CFHR3: variants seen among roughly 807,000 people sequenced by gnomAD.
CFHR3 encodes the protein complement factor H related 3, also known as complement factor H-related protein 3.
CFHR3 carries 22 observed loss-of-function variants against 36.0 expected under a neutral mutation model. That is an observed-to-expected ratio of 0.61 (90% confidence interval 0.44 to 0.87). The LOEUF (loss-of-function observed/expected upper bound fraction) is 0.87, where lower values mean the gene tolerates loss of function less well. CFHR3 is among the 40% of genes least tolerant of loss of function. The pLI is 0.00. For missense variants in CFHR3, 276 were observed against 401.3 expected (o/e 0.69, Z 2.67); for synonymous variants, 97 against 137.4 (o/e 0.71, Z 2.06).
chr1:196,779,059 C>A, intron 1 of CFHR3, 103 bp from the exon 2 acceptor site: 1 of 946,832 alleles, frequency 1.1e-6, no homozygotes, highest in Non-Finnish European at 1.6e-6. Flanking sequence ...TGCTGTAATT[C>A]CACAAGAAAA....
Position 196,787,169 on chromosome 1 carries a change from G to A in CFHR3, c.431-1047G>A, listed in dbSNP as rs144390336. On this transcript the variant is annotated intron_variant, in intron 3 of 5. Coordinates refer to ENST00000367425, the MANE Select transcript of CFHR3 (RefSeq NM_021023.6). ...GGAATCTTCCTACACCATTATAGGAGCAACTGTCCTCAACAATAGCCTAAG... is the reference window on the plus strand; with the variant it reads ...GGAATCTTCCTACACCATTATAGGAACAACTGTCCTCAACAATAGCCTAAG... Among the ~76,000 whole-genome samples the A allele has an allele frequency of 5.3e-3, 725 of 137,210 alleles. 186 individuals carry two copies. Among genetic ancestry groups the A allele is most frequent in the African/African-American group, 0.021 (678 of 32,936 alleles). The allele number at this position is 137,210 out of a possible 152,430, so 90.0% of individuals were successfully genotyped here.
rs779870916 is a variant in CFHR3 at position 196,788,794 on chromosome 1, G to T, written c.613+396G>T. ...ACGCTCAGAAAAGTTGTACATGTCG[G>T]GGGAGAAATGAGTGCTTAATTCTGA... is the stretch of plus-strand genomic sequence containing the variant. On this transcript the variant is annotated intron_variant, in intron 4 of 5. Coordinates refer to ENST00000367425, the MANE Select transcript of CFHR3 (RefSeq NM_021023.6). 1.9e-5 allele frequency: 28 copies of T among 1,457,062 alleles called. 5 individuals are homozygous for T. The South Asian group carries it at 3.0e-4, about 15-fold the overall frequency. 90.3% of individuals were successfully genotyped at this position (1,457,062 alleles called of 1,614,324 possible).
At chr1:196,790,649 G>T (rs1170334651) in intron 5 of CFHR3, among the ~76,000 whole-genome samples, 1 of 134,842 alleles carries the variant, frequency 7.4e-6, no homozygotes, top group South Asian at 2.6e-4. Flanking sequence ...ATTTGAACCC[G>T]GGAGGCAGAG....
At position 196,793,100 on chromosome 1, in the gene CFHR3, C is replaced by G. The variant is rs1654475276; in HGVS notation, c.797-217C>G. ...AAAGACTGCCAGGGTTCACGTTTAT[C>G]ACCTCACCTGATGATCTCTGCTGTG... On this transcript the variant is annotated intron_variant, in intron 5 of 5. Coordinates refer to ENST00000367425, the MANE Select transcript of CFHR3 (RefSeq NM_021023.6). 1.5e-5 allele frequency among the ~76,000 whole-genome samples: 2 copies of G among 135,066 alleles called. 1 individual carries two copies. The highest frequency in any genetic ancestry group is 3.1e-5 in the Non-Finnish European group (2 of 64,192). 88.6% of individuals were successfully genotyped at this position (135,066 alleles called of 152,430 possible).
In CFHR3 at chr1:196,788,380, G is replaced by C; in HGVS notation, c.595G>C (p.Ala199Pro). 2 of 1,529,548 alleles carry C rather than the reference G, an allele frequency of 1.3e-6. No individual in the cohort carries two copies. Among genetic ancestry groups the C allele is most frequent in the African/African-American group, 1.7e-5 (1 of 60,568 alleles). The allele number at this position is 1,529,548 out of a possible 1,614,324, so 94.7% of individuals were successfully genotyped here. A position where few individuals can be genotyped will look rare whatever the true frequency, so the allele number is the denominator to read the frequency against. The change falls in exon 4 of 6, where the codon GCA (alanine) becomes CCA (proline). Residue 199 changes from alanine (A) to proline (P), a missense_variant. Around this residue, in one of 3 missense-constraint regions of CFHR3, gnomAD observed 178 missense variants for 247.2 expected, o/e 0.72. Coordinates refer to ENST00000367425, the MANE Select transcript of CFHR3 (RefSeq NM_021023.6). Reference sequence around the variant, plus strand: ...TACATGTTTGCAAAATGGATGGTCAGCACAACCAATTTGCATTAGTAAGTG... The same window carrying C: ...TACATGTTTGCAAAATGGATGGTCACCACAACCAATTTGCATTAGTAAGTG... ...SITCLQNGWS[A>P]QPICINSSEK... is the part of the protein sequence containing the mutation.
At chr1:196,783,510 C>T (rs1318387484) in intron 3 of CFHR3, among the ~76,000 whole-genome samples, 1 of 130,968 alleles carries the variant, frequency 7.6e-6, no homozygotes, top group African/African-American at 3.4e-5. Flanking sequence ...AGAGATTCAA[C>T]TTCTTCCTGG....
Position 196,779,261 on chromosome 1 carries a change from A to G in CFHR3, c.158A>G (p.Tyr53Cys), listed in dbSNP as rs1307226070. ...GTAGCTGTAGGAAAATATTACTCCTATTACTGTGATGAACATTTTGAGACT... is the reference window on the plus strand; with the variant it reads ...GTAGCTGTAGGAAAATATTACTCCTGTTACTGTGATGAACATTTTGAGACT... The part of the protein sequence containing the change: ...FPVAVGKYYS[Y>C]YCDEHFETPS... The change falls in exon 2 of 6, where the codon TAT (tyrosine) becomes TGT (cysteine). Residue 53 changes from tyrosine (Y) to cysteine (C), a missense_variant. By Grantham distance (194) the Tyr-to-Cys change is radical. Coordinates refer to ENST00000367425, the MANE Select transcript of CFHR3 (RefSeq NM_021023.6). 1.3e-6 allele frequency: 2 copies of G among 1,526,340 alleles called. No individual in the cohort carries two copies. The highest frequency in any genetic ancestry group is 1.7e-5 in the African/African-American group (1 of 60,466). The allele number at this position is 1,526,340 out of a possible 1,614,324, so 94.5% of individuals were successfully genotyped here. A position where few individuals can be genotyped will look rare whatever the true frequency, so the allele number is the denominator to read the frequency against.
rs149860756 is a variant in CFHR3, at chr1:196,787,538, C to T, written c.431-678C>T. ...CATTACTAATATCTTAAAACATATG[C>T]GTTACTAAAATAATTACTACCTTGT... On this transcript the variant is annotated intron_variant, in intron 3 of 5. Coordinates refer to ENST00000367425, the MANE Select transcript of CFHR3 (RefSeq NM_021023.6). Among the ~76,000 whole-genome samples, 759 of 137,038 alleles carry T rather than the reference C, an allele frequency of 5.5e-3. 199 individuals are homozygous for T. The highest frequency in any genetic ancestry group is 0.022 in the African/African-American group (726 of 32,752). The allele number at this position is 137,038 out of a possible 152,430, so 89.9% of individuals were successfully genotyped here.
Position 196,793,301 on chromosome 1 carries a change from T to A in CFHR3, c.797-16T>A. 6.7e-7 allele frequency: 1 copy of A among 1,493,044 alleles called. No homozygotes were observed. The highest frequency in any genetic ancestry group is 2.3e-5 in the East Asian group (1 of 43,936). 92.5% of individuals were successfully genotyped at this position (1,493,044 alleles called of 1,614,324 possible). A position where few individuals can be genotyped will look rare whatever the true frequency, so the allele number is the denominator to read the frequency against. ...AGAGAAAATTATGATTGTTAATTGT[T>A]TTTTTCTGCTTTCAGATCCATGTAT... On this transcript the variant is annotated splice_polypyrimidine_tract_variant and intron_variant, in intron 5 of 5. Transcript: ENST00000367425.
At position 196,775,983 on chromosome 1, in the gene CFHR3, G is replaced by A. The variant is rs754343877; in HGVS notation, c.58+1039G>A. Among the ~76,000 whole-genome samples, 103 of 125,736 alleles carry A rather than the reference G, an allele frequency of 8.2e-4. 17 individuals are homozygous for A. In the Middle Eastern group the frequency reaches 0.013, roughly 16 times the overall value. 82.5% of individuals were successfully genotyped at this position (125,736 alleles called of 152,430 possible). On this transcript the variant is annotated intron_variant, in intron 1 of 5. Coordinates refer to ENST00000367425, the MANE Select transcript of CFHR3 (RefSeq NM_021023.6). The stretch of plus-strand genomic sequence containing the variant: ...ATGATTTGCTAGTTTTATTTGTTGC[G>A]CAAAATCAAACTTGATCTGTGCCAA...
Position 196,789,751 on chromosome 1 carries a change from A to G in CFHR3, c.614-294A>G, listed in dbSNP as rs192824957. On this transcript the variant is annotated intron_variant, in intron 4 of 5. Transcript: ENST00000367425. Reference sequence around the variant, plus strand: ...AAGATGGGTAGTCCCATTTCCCAACATGTTATAGTAAGTATTTTATTCAAG... The same window carrying G: ...AAGATGGGTAGTCCCATTTCCCAACGTGTTATAGTAAGTATTTTATTCAAG... 292 of 1,400,418 alleles carry G rather than the reference A, an allele frequency of 2.1e-4. 43 individuals are homozygous for G. The highest frequency in any genetic ancestry group is 2.5e-4 in the Non-Finnish European group (267 of 1,064,396). The allele number at this position is 1,400,418 out of a possible 1,614,324, so 86.7% of individuals were successfully genotyped here. A position where few individuals can be genotyped will look rare whatever the true frequency, so the allele number is the denominator to read the frequency against.
Position 196,793,310 on chromosome 1 carries a change from C to T in CFHR3, c.797-7C>T, listed in dbSNP as rs1166719299. ...TATGATTGTTAATTGTTTTTTTCTGCTTTCAGATCCATGTATAATAACTGA... is the reference window on the plus strand; with the variant it reads ...TATGATTGTTAATTGTTTTTTTCTGTTTTCAGATCCATGTATAATAACTGA... On this transcript the variant is annotated splice_region_variant and splice_polypyrimidine_tract_variant and intron_variant, in intron 5 of 5. Transcript: ENST00000367425. The T allele has an allele frequency of 2.7e-6, 4 of 1,499,712 alleles. No homozygotes were observed. Among genetic ancestry groups the T allele is most frequent in the Admixed American group, 3.5e-5 (2 of 56,882 alleles). The allele number at this position is 1,499,712 out of a possible 1,614,324, so 92.9% of individuals were successfully genotyped here.
chr1:196,788,719 C>T (rs1654307492), intron 4 of CFHR3: 2 of 1,454,394 alleles, frequency 1.4e-6, no homozygotes, highest in African/African-American at 3.4e-5. Flanking sequence ...GTTGTCTTCC[C>T]TTTCTTTGTA....
chr1:196,786,219 G>A (rs1212919836), intron 3 of CFHR3, among the ~76,000 whole-genome samples: 2 of 136,238 alleles, frequency 1.5e-5, no homozygotes, highest in African/African-American at 6.2e-5. Context: ...CCTACTGGGT[G>A]GTGCCTCCCA....
intron 5 of CFHR3, among the ~76,000 whole-genome samples, chr1:196,792,464 A>G (rs1654455822): frequency 1.8e-5 from 2 of 111,984 alleles, no homozygotes; most frequent in Admixed American, 1.7e-4. Flanking sequence ...AGGTACAGCA[A>G]ACCACCATGG....
In CFHR3 at chr1:196,788,497, G is replaced by C; in HGVS notation, c.613+99G>C. 4 of 1,455,710 alleles carry C rather than the reference G, an allele frequency of 2.7e-6. 2 individuals are homozygous for C. The highest frequency in any genetic ancestry group is 3.7e-6 in the Non-Finnish European group (4 of 1,081,358). The allele number at this position is 1,455,710 out of a possible 1,614,324, so 90.2% of individuals were successfully genotyped here. On this transcript the variant is annotated intron_variant, in intron 4 of 5. Coordinates refer to ENST00000367425, the MANE Select transcript of CFHR3 (RefSeq NM_021023.6). ...AAAAATATAGAAAACAATTTTAGGA[G>C]TAAAGAGATACAAATACTTCTAAAA... is the stretch of plus-strand genomic sequence containing the variant.
rs928886940 is a variant in CFHR3 at position 196,777,385 on chromosome 1, A to C, written c.59-1777A>C. 2.9e-5 allele frequency among the ~76,000 whole-genome samples: 4 copies of C among 136,710 alleles called. No homozygotes were observed. In the East Asian group the frequency reaches 7.8e-4, roughly 27 times the overall value. The allele number at this position is 136,710 out of a possible 152,430, so 89.7% of individuals were successfully genotyped here. ...AGTAATGTAGAGTAGGGTTGCCTCT[A>C]AATTCCTTTTAAACTGATCATTTTC... On this transcript the variant is annotated intron_variant, in intron 1 of 5. Coordinates refer to ENST00000367425, the MANE Select transcript of CFHR3 (RefSeq NM_021023.6).
At chr1:196,780,863 C>T (rs1289548351) in intron 3 of CFHR3, among the ~76,000 whole-genome samples, 1 of 132,438 alleles carries the variant, frequency 7.6e-6, no homozygotes, top group Non-Finnish European at 1.6e-5. Context: ...AGGTTAGTTA[C>T]ATATGTATAC....
In CFHR3 at chr1:196,780,845, C is replaced by T. The variant is rs1387573765; in HGVS notation, c.430+872C>T. ...TTTTAAGTTTTAGGGTACATGTGCA[C>T]AATGTGCAGGTTAGTTACATATGTA... On this transcript the variant is annotated intron_variant, in intron 3 of 5. Coordinates refer to ENST00000367425, the MANE Select transcript of CFHR3 (RefSeq NM_021023.6). Among the ~76,000 whole-genome samples the T allele has an allele frequency of 1.5e-5, 2 of 133,028 alleles. 1 individual carries two copies. The highest frequency in any genetic ancestry group is 3.1e-5 in the Non-Finnish European group (2 of 63,526). The allele number at this position is 133,028 out of a possible 152,430, so 87.3% of individuals were successfully genotyped here. A position where few individuals can be genotyped will look rare whatever the true frequency, so the allele number is the denominator to read the frequency against.
Sources: allele counts gnomAD v4.1 joint callset (sites outside exome capture counted in the v4.1 genomes callset), GRCh38; gene constraint gnomAD v4.1.1; regional missense constraint gnomAD v4.1.1; transcripts MANE v1.5; gene names NCBI Gene and HGNC (gene_info 2026-07-23, HGNC 2026-07-21).